The following TGS1 variants were observed in gnomAD, a reference collection of about 807,000 sequenced individuals.
TGS1 encodes the protein trimethylguanosine synthase.
In TGS1, 69 loss-of-function variants were observed where a neutral mutation model predicts 92.2. The observed-to-expected ratio is 0.75, with a 90% CI of 0.62 to 0.91. The LOEUF (loss-of-function observed/expected upper bound fraction) is 0.91. Ranked by LOEUF, TGS1 falls within the 40% of genes least tolerant of loss-of-function variation. The pLI is 0.00. For missense variants in TGS1, 1,062 were observed against 1,001.2 expected (o/e 1.06, Z -0.82); for synonymous variants, 345 against 338.1 (o/e 1.02, Z -0.22).
intron 1 of TGS1, among the ~76,000 whole-genome samples, chr8:55,775,443 C>T (rs906694743): frequency 5.3e-5 from 8 of 151,976 alleles, no homozygotes; most frequent in African/African-American, 1.9e-4. Flanking sequence ...GGAAGAGAAC[C>T]ACTTAAGACC....
intron 1 of TGS1, among the ~76,000 whole-genome samples, chr8:55,775,790 A>T (rs1811378885): frequency 2.0e-5 from 3 of 150,852 alleles, no homozygotes; most frequent in African/African-American, 7.3e-5. Context: ...GATTGAACCC[A>T]TGAATGAAGG....
intron 12 of TGS1, among the ~76,000 whole-genome samples, chr8:55,815,828 A>G (rs539243356): frequency 2.3e-4 from 35 of 152,274 alleles, no homozygotes; most frequent in Admixed American, 1.3e-3. Flanking sequence ...AGAACTGAGT[A>G]ATTTAGAAAA....
Position 55,792,756 on chromosome 8 carries a change from C to T in TGS1, c.1339C>T (p.Leu447=), listed in dbSNP as rs776016063. The T allele has an allele frequency of 6.2e-7, 1 of 1,613,626 alleles. No homozygotes were observed. Among genetic ancestry groups the T allele is most frequent in the South Asian group, 1.1e-5 (1 of 91,076 alleles). Residue 447 remains leucine (L), a synonymous_variant, in exon 6 of 13, where the codon CTA becomes TTA. Coordinates refer to ENST00000260129, the MANE Select transcript of TGS1 (RefSeq NM_024831.8). ...AGACTTTGATGACAGTGGTTCCCTTCTAGGATTCAAGTATGGCTCAGGACA... is the reference window on the plus strand; with the variant it reads ...AGACTTTGATGACAGTGGTTCCCTTTTAGGATTCAAGTATGGCTCAGGACA... ...ASDFDDSGSL[L]GFKYGSGQKY... is the part of the protein sequence containing the mutation.
chr8:55,811,514 C>T (rs909034658), intron 11 of TGS1, among the ~76,000 whole-genome samples: 2 of 151,788 alleles, frequency 1.3e-5, no homozygotes, highest in Non-Finnish European at 2.9e-5. Flanking sequence ...GTAATCCCAG[C>T]ACTTTGGGAG....
rs371774801 is a variant in TGS1 at position 55,805,069 on chromosome 8, A to G, written c.2143+33A>G. The stretch of plus-strand genomic sequence containing the variant: ...GCCATCAATGGAAGTGAACTATTTT[A>G]TGTCCAGTTAATTCAGTAAATGTTT... On this transcript the variant is annotated intron_variant, in intron 10 of 12. Coordinates refer to ENST00000260129, the MANE Select transcript of TGS1 (RefSeq NM_024831.8). 4.4e-6 allele frequency: 7 copies of G among 1,599,222 alleles called. No individual in the cohort carries two copies. In the African/African-American group the frequency reaches 8.0e-5, roughly 18 times the overall value.
intron 10 of TGS1, among the ~76,000 whole-genome samples, chr8:55,805,312 G>A (rs1213031848): frequency 1.3e-5 from 2 of 151,886 alleles, no homozygotes; most frequent in Non-Finnish European, 2.9e-5. Context: ...AAAATGTTCT[G>A]GAGATTTGTG....
At chr8:55,813,977 T>C (rs569856352) in intron 12 of TGS1, among the ~76,000 whole-genome samples, 1 of 152,172 alleles carries the variant, frequency 6.6e-6, no homozygotes, top group Non-Finnish European at 1.5e-5. Flanking sequence ...TGAGACCATA[T>C]CGCTCTATCA....
At chr8:55,815,913 C>G (rs1803459667) in intron 12 of TGS1, among the ~76,000 whole-genome samples, 1 of 149,762 alleles carries the variant, frequency 6.7e-6, no homozygotes, top group Non-Finnish European at 1.5e-5. Context: ...AACCCAAGGA[C>G]TAATTTTTAT....
At position 55,786,713 on chromosome 8, in the gene TGS1, C is replaced by G. The variant is rs781598512; in HGVS notation, c.815C>G (p.Thr272Ser). Reference protein sequence around the residue: ...FDASQSCDTDTYTSKTEADDK... With the variant: ...FDASQSCDTDSYTSKTEADDK... The stretch of plus-strand genomic sequence containing the variant: ...GCCTCGCAAAGCTGTGATACAGATA[C>G]TTACACATCTAAAACAGAAGCTGAT... Residue 272 changes from threonine (T) to serine (S), a missense_variant, in exon 4 of 13, where the codon ACT (threonine) becomes AGT (serine). By Grantham distance (58) the Thr-to-Ser change is moderately conservative. Coordinates refer to ENST00000260129, the MANE Select transcript of TGS1 (RefSeq NM_024831.8). 6.2e-6 allele frequency: 10 copies of G among 1,613,974 alleles called. No homozygotes were observed. Among genetic ancestry groups the G allele is most frequent in the African/African-American group, 5.3e-5 (4 of 74,904 alleles).
At chr8:55,815,587 G>A (rs1199487624) in intron 12 of TGS1, among the ~76,000 whole-genome samples, 7 of 152,182 alleles carry the variant, frequency 4.6e-5, no homozygotes, top group Non-Finnish European at 4.4e-5. Context: ...TTTCTCATAT[G>A]AAGGACAGTT....
intron 12 of TGS1, among the ~76,000 whole-genome samples, chr8:55,823,267 A>G (rs11996881): frequency 0.15 from 22,822 of 152,162 alleles, 1,992 homozygotes; most frequent in African/African-American, 0.24. Context: ...AAACATTTCT[A>G]GTTTACAATG....
intron 1 of TGS1, among the ~76,000 whole-genome samples, chr8:55,778,932 G>A (rs745465309): frequency 3.3e-5 from 5 of 152,182 alleles, no homozygotes; most frequent in Admixed American, 6.5e-5. Context: ...ATATTCAGAG[G>A]TATGAGGATA....
intron 7 of TGS1, 115 bp downstream of exon 7, chr8:55,796,267 A>G (rs1812046945): frequency 1.2e-6 from 1 of 809,636 alleles, no homozygotes. Flanking sequence ...CAAGGTACAT[A>G]ATTTTTTTTT....
intron 1 of TGS1, among the ~76,000 whole-genome samples, chr8:55,776,951 T>G (rs1420343294): frequency 6.6e-6 from 1 of 151,922 alleles, no homozygotes; most frequent in Non-Finnish European, 1.5e-5. Flanking sequence ...GTTTGTTGGT[T>G]TTTTTTTGGT....
chr8:55,779,658 T>A (rs1008532322), intron 1 of TGS1, among the ~76,000 whole-genome samples: 1 of 152,196 alleles, frequency 6.6e-6, no homozygotes, highest in Admixed American at 6.5e-5. Context: ...GCCCTCCTTC[T>A]AAAAGAGAAG....
At chr8:55,808,132 G>A (rs1803231402) in intron 10 of TGS1, among the ~76,000 whole-genome samples, 1 of 152,146 alleles carries the variant, frequency 6.6e-6, no homozygotes, top group Non-Finnish European at 1.5e-5. Flanking sequence ...GATGAAATGT[G>A]GCCCGTTTTA....
At chr8:55,799,794 G>C (rs1268478916) in intron 8 of TGS1, among the ~76,000 whole-genome samples, 2 of 152,034 alleles carry the variant, frequency 1.3e-5, no homozygotes, top group Non-Finnish European at 2.9e-5. Flanking sequence ...GCTGAGGCTG[G>C]TTGCCAAAGG....
chr8:55,800,038 G>A (rs933789641), intron 8 of TGS1, among the ~76,000 whole-genome samples: 8 of 152,076 alleles, frequency 5.3e-5, no homozygotes, highest in Admixed American at 1.3e-4. Flanking sequence ...AATTTTTATA[G>A]CAAAAGTTCT....
intron 1 of TGS1, among the ~76,000 whole-genome samples, chr8:55,775,648 T>C (rs1030906795): frequency 1.3e-5 from 2 of 152,194 alleles, no homozygotes; most frequent in African/African-American, 2.4e-5. Flanking sequence ...AGTTTGATTT[T>C]ATACATTTTG....
Sources: gnomAD v4.1 joint callset for allele counts (sites outside exome capture counted in the v4.1 genomes callset) on GRCh38, gnomAD v4.1.1 for gene constraint, MANE v1.5 for transcripts, NCBI Gene and HGNC (gene_info 2026-07-23, HGNC 2026-07-21) for gene names.